Variants in ASXL2 observed in about 807,000 individuals in gnomAD.
The protein encoded by ASXL2 is putative Polycomb group protein ASXL2.
Under a neutral mutation model 122.0 loss-of-function variants are expected in ASXL2, and 23 were observed. That is an observed-to-expected ratio of 0.19 (90% confidence interval 0.14 to 0.27). ASXL2 has a LOEUF of 0.27. Ranked by LOEUF, ASXL2 falls within the 10% of genes least tolerant of loss-of-function variation. ASXL2 has a pLI of 1.00. For synonymous variants in ASXL2, 650 were observed against 637.0 expected (o/e 1.02, Z -0.31); for missense variants, 1,518 against 1,713.8 (o/e 0.89, Z 2.02).
At chr2:25,791,546 C>T (rs1328759094) in intron 5 of ASXL2, among the ~76,000 whole-genome samples, 1 of 151,700 alleles carries the variant, frequency 6.6e-6, no homozygotes, top group Non-Finnish European at 1.5e-5. Context: ...AAGACTATCA[C>T]TAAAGGTTAA....
chr2:25,866,857 T>C (rs1337550808), intron 1 of ASXL2, among the ~76,000 whole-genome samples: 3 of 150,128 alleles, frequency 2.0e-5, no homozygotes, highest in Non-Finnish European at 4.4e-5. Flanking sequence ...CTCAGCGTCC[T>C]GAGTAGCTGG....
intron 3 of ASXL2, chr2:25,822,657 C>A: frequency 1.6e-6 from 1 of 643,790 alleles, no homozygotes; most frequent in South Asian, 1.4e-5. Flanking sequence ...CCTAATGATT[C>A]CAAGCATAAA....
In ASXL2 at chr2:25,878,156, T is replaced by A. The variant is rs1178281960; in HGVS notation, c.57+10A>T. 6.2e-7 allele frequency: 1 copy of A among 1,613,296 alleles called. No individual in the cohort carries two copies. The highest frequency in any genetic ancestry group is 8.5e-7 in the Non-Finnish European group (1 of 1,179,582). ...CCTCCCGGCCTTCCCCTTCGCTCCC[T>A]CCCCCTTACCGTCTTGGCGGCCTCC... is the stretch of plus-strand genomic sequence containing the variant. On this transcript the variant is annotated intron_variant, in intron 1 of 12. Transcript: ENST00000435504.
rs968630459 is a variant in ASXL2 at position 25,750,158 on chromosome 2, G to C, written c.1398C>G (p.Ser466=). 2 of 1,614,004 alleles carry C rather than the reference G, an allele frequency of 1.2e-6. No individual in the cohort carries two copies. The highest frequency in any genetic ancestry group is 8.5e-7 in the Non-Finnish European group (1 of 1,179,880). Residue 466 remains serine, a synonymous_variant, in exon 12 of 13, where the codon TCC becomes TCG. Coordinates refer to ENST00000435504, the MANE Select transcript of ASXL2 (RefSeq NM_018263.6). ...TAAGCTCATGTGTATTGAGAGCTGA[G>C]GAAAGCAGGGGCTCTGAAGATGTGG... The part of the protein sequence containing the change: ...NFSTSSEPLL[S]SALNTHELSS...
chr2:25,778,241 T>C (rs1395622226), intron 5 of ASXL2, among the ~76,000 whole-genome samples: 1 of 152,174 alleles, frequency 6.6e-6, no homozygotes, highest in Non-Finnish European at 1.5e-5. Flanking sequence ...TCCTGGATTA[T>C]CCAAATGGAT....
chr2:25,877,769 C>T (rs2090021668), intron 1 of ASXL2, among the ~76,000 whole-genome samples: 1 of 152,198 alleles, frequency 6.6e-6, no homozygotes, highest in South Asian at 2.1e-4. Context: ...GCTGGATGCA[C>T]GCACAAGCCT....
At chr2:25,775,194 C>A (rs1360296999) in intron 5 of ASXL2, among the ~76,000 whole-genome samples, 1 of 152,114 alleles carries the variant, frequency 6.6e-6, no homozygotes, top group Non-Finnish European at 1.5e-5. Context: ...ATGGCACAAT[C>A]TCAGCTCACT....
intron 2 of ASXL2, among the ~76,000 whole-genome samples, chr2:25,843,699 G>C (rs72801871): frequency 0.042 from 6,438 of 151,650 alleles, 213 homozygotes; most frequent in African/African-American, 0.08. Context: ...AGCTTCAGGA[G>C]GCAGAGATGA....
At chr2:25,771,343 A>C (rs1020386997) in intron 6 of ASXL2, 97 bp downstream of exon 6, 7 of 1,062,042 alleles carry the variant, frequency 6.6e-6, no homozygotes, top group Non-Finnish European at 9.4e-6. Context: ...CAAGGGCCCA[A>C]TGTAAAAAAT....
chr2:25,877,745 C>G (rs1198719219), intron 1 of ASXL2, among the ~76,000 whole-genome samples: 1 of 152,226 alleles, frequency 6.6e-6, no homozygotes, highest in East Asian at 1.9e-4. Context: ...CAGCGCTCCC[C>G]TCTCCTTTCC....
chr2:25,819,705 G>A (rs2089286922), intron 3 of ASXL2, among the ~76,000 whole-genome samples: 1 of 152,168 alleles, frequency 6.6e-6, no homozygotes, highest in Admixed American at 6.5e-5. Flanking sequence ...TTAAAGAAGA[G>A]TAAAGATACA....
chr2:25,845,464 A>C lies in ASXL2; in HGVS notation c.140+17T>G. 6 of 1,407,770 alleles carry C rather than the reference A, an allele frequency of 4.3e-6. No homozygotes were observed. Among genetic ancestry groups the C allele is most frequent in the Non-Finnish European group, 5.7e-6 (6 of 1,053,342 alleles). The allele number at this position is 1,407,770 out of a possible 1,614,324, so 87.2% of individuals were successfully genotyped here. On this transcript the variant is annotated intron_variant, in intron 2 of 12. Coordinates refer to ENST00000435504, the MANE Select transcript of ASXL2 (RefSeq NM_018263.6). ...TCAAGTATTATAATTATTACTAAAAATATTTAAATAACTCACCTGATTTCT... is the reference window on the plus strand; with the variant it reads ...TCAAGTATTATAATTATTACTAAAACTATTTAAATAACTCACCTGATTTCT...
intron 3 of ASXL2, among the ~76,000 whole-genome samples, chr2:25,820,102 G>C (rs1380133074): frequency 6.6e-6 from 1 of 152,052 alleles, no homozygotes; most frequent in Non-Finnish European, 1.5e-5. Flanking sequence ...TTATTGTATA[G>C]AGACGGGCTC....
chr2:25,744,154 G>A lies in ASXL2; in HGVS notation c.2183C>T (p.Thr728Ile). The change falls in exon 13 of 13, where the codon ACA becomes ATA. Residue 728 changes from threonine (T) to isoleucine (I), a missense_variant. Around this residue, in one of 8 missense-constraint regions of ASXL2, gnomAD observed 831 missense variants for 833.1 expected, o/e 1.00. Transcript: ENST00000435504. This position sits in a 1 kb window ranked among gnomAD's most constrained non-coding sequence, Gnocchi z 4.7. ...GCTTCCAGTTCCTGCCAGTTCCAGT[G>A]TGGGGCCCTTTCCAGTTTCACTGAC... ...DRVSETGKGPTLELAGTGSRG... is the reference protein window; with the variant it reads ...DRVSETGKGPILELAGTGSRG... 1 of 1,614,032 alleles carries A rather than the reference G, an allele frequency of 6.2e-7. No homozygotes were observed. The highest frequency in any genetic ancestry group is 8.5e-7 in the Non-Finnish European group (1 of 1,179,880).
intron 8 of ASXL2, among the ~76,000 whole-genome samples, chr2:25,761,931 T>C (rs1348475171): frequency 2.0e-5 from 3 of 152,088 alleles, no homozygotes; most frequent in Non-Finnish European, 4.4e-5. Flanking sequence ...GCAGAATGGG[T>C]TGAAATACAA....
intron 3 of ASXL2, among the ~76,000 whole-genome samples, chr2:25,815,918 GAAC>G (rs772197591): frequency 6.6e-6 from 1 of 152,138 alleles, no homozygotes; most frequent in African/African-American, 2.4e-5. Flanking sequence ...AAAGGGAAAA[GAAC>G]AACAACACAG....
At chr2:25,772,991 C>T (rs1464611916) in intron 5 of ASXL2, among the ~76,000 whole-genome samples, 1 of 150,670 alleles carries the variant, frequency 6.6e-6, no homozygotes, top group Non-Finnish European at 1.5e-5. Flanking sequence ...GGCGGATCGA[C>T]TGAAGTCAGG....
chr2:25,856,959 A>G (rs1034897491), intron 1 of ASXL2: 4 of 494,454 alleles, frequency 8.1e-6, no homozygotes, highest in African/African-American at 7.7e-5. Flanking sequence ...TACATAGGCT[A>G]CAAGTTCTAG....
chr2:25,859,091 A>G (rs2089816606), intron 1 of ASXL2, among the ~76,000 whole-genome samples: 1 of 151,958 alleles, frequency 6.6e-6, no homozygotes, highest in South Asian at 2.1e-4. Context: ...CTGGGATTAC[A>G]GGTGTGAGCC....
Sources: gnomAD v4.1 joint callset for allele counts (sites outside exome capture counted in the v4.1 genomes callset) on GRCh38, gnomAD v4.1.1 for gene constraint, gnomAD v4.1.1 regional missense constraint, Gnocchi (gnomAD v3.1) non-coding constraint, MANE v1.5 for transcripts, NCBI Gene and HGNC (gene_info 2026-07-23, HGNC 2026-07-21) for gene names.